WASF3: variants seen among roughly 807,000 people sequenced by gnomAD.
WASF3 encodes the protein WASP family member 3, also known as actin-binding protein WASF3.
Under a neutral mutation model 46.6 loss-of-function variants are expected in WASF3, and 11 were observed. That is an observed-to-expected ratio of 0.24 (90% CI 0.15 to 0.39). The LOEUF is 0.39. Ranked by LOEUF, WASF3 falls within the 10% of genes least tolerant of loss-of-function variation. The pLI, the probability that WASF3 is intolerant of heterozygous loss-of-function variation, is 1.00. For missense variants in WASF3, 576 were observed against 669.8 expected (o/e 0.86, Z 1.55); for synonymous variants, 242 against 259.7 (o/e 0.93, Z 0.65).
intron 3 of WASF3, among the ~76,000 whole-genome samples, chr13:26,649,482 C>T (rs767159883): frequency 1.6e-4 from 24 of 152,174 alleles, no homozygotes; most frequent in Non-Finnish European, 2.9e-4. Context: ...TAAGAGGAAG[C>T]TCAATAATCT....
chr13:26,617,927 C>T (rs937221323), intron 2 of WASF3, among the ~76,000 whole-genome samples: 12 of 152,132 alleles, frequency 7.9e-5, no homozygotes, highest in Non-Finnish European at 1.6e-4. Flanking sequence ...ATTCTCCCTC[C>T]GGCTGCCTTG....
At chr13:26,613,356 A>T (rs528373340) in intron 2 of WASF3, among the ~76,000 whole-genome samples, 8 of 152,226 alleles carry the variant, frequency 5.3e-5, no homozygotes, top group African/African-American at 1.9e-4. Context: ...CTGAGATCTC[A>T]GTCTTCTTAC....
chr13:26,650,624 T>C (rs1193535583), intron 3 of WASF3, among the ~76,000 whole-genome samples: 2 of 152,142 alleles, frequency 1.3e-5, no homozygotes, highest in East Asian at 3.9e-4. Context: ...TCAAGAAAAA[T>C]ATATTGAATG....
At chr13:26,563,431 G>C (rs981643055) in intron 1 of WASF3, among the ~76,000 whole-genome samples, 42 of 152,034 alleles carry the variant, frequency 2.8e-4, no homozygotes, top group African/African-American at 1.0e-3. Flanking sequence ...TTGGGAGGCT[G>C]ATCACCTCAG....
the WASF3 span, among the ~76,000 whole-genome samples, chr13:26,543,739 A>T: frequency 6.6e-6 from 1 of 152,160 alleles, no homozygotes; most frequent in Admixed American, 6.5e-5. Flanking sequence ...CTCTTTCAAA[A>T]TCCCGGAATT....
intron 1 of WASF3, among the ~76,000 whole-genome samples, chr13:26,567,265 A>G (rs1239944809): frequency 6.6e-6 from 1 of 152,208 alleles, no homozygotes; most frequent in Non-Finnish European, 1.5e-5. Flanking sequence ...GATGTATAGA[A>G]GATAGTTTGA....
At chr13:26,634,829 GC>G (rs1345692332) in intron 2 of WASF3, among the ~76,000 whole-genome samples, 31 of 152,290 alleles carry the variant, frequency 2.0e-4, no homozygotes, top group African/African-American at 7.2e-4. Context: ...TTCTCTTCTG[GC>G]TTGTAAGGTT....
At chr13:26,675,650 CTGTGTGTG>C (rs35156420) in intron 6 of WASF3, among the ~76,000 whole-genome samples, 1 of 146,978 alleles carries the variant, frequency 6.8e-6, no homozygotes, top group Non-Finnish European at 1.5e-5. Flanking sequence ...GATGCCATGT[CTGTGTGTG>C]TGTGTGTGTG....
Position 26,630,510 on chromosome 13 carries a change from C to T in WASF3, c.-10-11751C>T, listed in dbSNP as rs561326554. 3.3e-5 allele frequency among the ~76,000 whole-genome samples: 5 copies of T among 152,292 alleles called. No individual in the cohort carries two copies. The South Asian group carries it at 8.3e-4, about 25-fold the overall frequency. ...GAACTCATCCTTTTTTGTGGCTGCACAGTATTCCATGGTTTATATATGTCA... is the reference window on the plus strand; with the variant it reads ...GAACTCATCCTTTTTTGTGGCTGCATAGTATTCCATGGTTTATATATGTCA... On this transcript the variant is annotated intron_variant, in intron 2 of 9. Transcript: ENST00000335327.
intron 1 of WASF3, among the ~76,000 whole-genome samples, chr13:26,603,500 A>G (rs1323625699): frequency 6.6e-6 from 1 of 152,152 alleles, no homozygotes; most frequent in Non-Finnish European, 1.5e-5. Flanking sequence ...TCAAACCAGT[A>G]AAGGATATAA....
At chr13:26,648,586 A>G (rs1882220210) in intron 3 of WASF3, among the ~76,000 whole-genome samples, 1 of 152,298 alleles carries the variant, frequency 6.6e-6, no homozygotes, top group East Asian at 1.9e-4. Flanking sequence ...TTATGAAGGA[A>G]CTAGATTATA....
intron 5 of WASF3, among the ~76,000 whole-genome samples, chr13:26,669,774 A>G (rs920313299): frequency 9.9e-5 from 15 of 152,230 alleles, no homozygotes; most frequent in African/African-American, 3.6e-4. Flanking sequence ...TCGGCCTCCC[A>G]AAGTGCTGGG....
chr13:26,632,387 G>C (rs983823302), intron 2 of WASF3, among the ~76,000 whole-genome samples: 8 of 152,160 alleles, frequency 5.3e-5, no homozygotes, highest in African/African-American at 1.7e-4. Flanking sequence ...ACAAAGGACT[G>C]TTGAATTTTG....
At chr13:26,662,764 C>T (rs1174661257) in intron 3 of WASF3, among the ~76,000 whole-genome samples, 3 of 152,102 alleles carry the variant, frequency 2.0e-5, no homozygotes, top group Middle Eastern at 3.2e-3. Flanking sequence ...ACCCATGTAA[C>T]GAACCTGCAC....
intron 1 of WASF3, among the ~76,000 whole-genome samples, chr13:26,558,526 G>A (rs568318934): frequency 6.7e-6 from 1 of 149,348 alleles, no homozygotes; most frequent in East Asian, 2.0e-4. Flanking sequence ...TTACCCGCGC[G>A]CCTGGGCTTT....
intron 2 of WASF3, among the ~76,000 whole-genome samples, chr13:26,621,546 C>A (rs1328658566): frequency 1.3e-5 from 2 of 151,940 alleles, no homozygotes; most frequent in East Asian, 2.0e-4. Flanking sequence ...TGGACTAGAA[C>A]CCCAGTTCCC....
intron 1 of WASF3, among the ~76,000 whole-genome samples, chr13:26,580,344 C>CT (rs1311601216): frequency 6.6e-6 from 1 of 152,110 alleles, no homozygotes; most frequent in Non-Finnish European, 1.5e-5. Flanking sequence ...GATAATATAA[C>CT]TTAAAACACA....
chr13:26,664,096 A>G (rs2137463196), intron 3 of WASF3, among the ~76,000 whole-genome samples: 1 of 152,330 alleles, frequency 6.6e-6, no homozygotes, highest in East Asian at 1.9e-4. Flanking sequence ...AAGAGTACAG[A>G]AAGTGGCTGT....
chr13:26,566,383 A>G (rs1879464844), intron 1 of WASF3, among the ~76,000 whole-genome samples: 1 of 152,252 alleles, frequency 6.6e-6, no homozygotes, highest in African/African-American at 2.4e-5. Flanking sequence ...AAAGCTAAAT[A>G]TAAAGAATGA....
Sources: gnomAD v4.1 joint callset for allele counts (sites outside exome capture counted in the v4.1 genomes callset) on GRCh38, gnomAD v4.1.1 for gene constraint, MANE v1.5 for transcripts, NCBI Gene and HGNC (gene_info 2026-07-23, HGNC 2026-07-21) for gene names.